ACER3: variants seen among roughly 807,000 people sequenced by gnomAD.
ACER3 encodes alkCDase 3.
In ACER3, 16 loss-of-function variants were observed where a neutral mutation model predicts 48.9. The ratio of observed to expected loss-of-function variants is 0.33; its 90% confidence interval spans 0.22 to 0.50. The LOEUF is 0.50. Ranked by LOEUF, ACER3 falls within the 20% of genes least tolerant of loss-of-function variation. The pLI is 0.98. For synonymous variants in ACER3, 109 were observed against 107.8 expected (o/e 1.01, Z -0.07); for missense variants, 227 against 326.0 (o/e 0.70, Z 2.34).
chr11:76,903,888 G>A (rs978203899), intron 1 of ACER3, among the ~76,000 whole-genome samples: 1 of 152,118 alleles, frequency 6.6e-6, no homozygotes, highest in Admixed American at 6.5e-5. Context: ...TCTGATAGGA[G>A]ACATTTACTA....
intron 3 of ACER3, among the ~76,000 whole-genome samples, chr11:76,961,798 A>G (rs1948001779): frequency 1.4e-5 from 2 of 144,270 alleles, no homozygotes; most frequent in African/African-American, 5.7e-5. Context: ...GTATTAAATG[A>G]AATAATACAT....
At chr11:76,972,777 T>G (rs1033550924) in intron 3 of ACER3, among the ~76,000 whole-genome samples, 1 of 151,636 alleles carries the variant, frequency 6.6e-6, no homozygotes, top group Non-Finnish European at 1.5e-5. Flanking sequence ...CGACACCTCC[T>G]CCATGTACCA....
chr11:76,901,379 G>T (rs1946078957), intron 1 of ACER3, among the ~76,000 whole-genome samples: 1 of 152,140 alleles, frequency 6.6e-6, no homozygotes, highest in African/African-American at 2.4e-5. Context: ...TTGTTTTCCA[G>T]GCCCTCTTGT....
At chr11:76,949,089 C>T (rs1420986482) in intron 2 of ACER3, among the ~76,000 whole-genome samples, 1 of 151,934 alleles carries the variant, frequency 6.6e-6, no homozygotes, top group African/African-American at 2.4e-5. Flanking sequence ...TGTATCGGAG[C>T]ATATTTGTGT....
At chr11:76,933,814 G>C (rs189480879) in intron 2 of ACER3, among the ~76,000 whole-genome samples, 247 of 152,324 alleles carry the variant, frequency 1.6e-3, no homozygotes, top group Middle Eastern at 0.014. Flanking sequence ...TCCCAGACGG[G>C]GTGGCTGCCG....
intron 2 of ACER3, among the ~76,000 whole-genome samples, chr11:76,958,235 G>A (rs1404701756): frequency 7.1e-6 from 1 of 140,716 alleles, no homozygotes; most frequent in Non-Finnish European, 1.5e-5. Flanking sequence ...TGCCCGGGCT[G>A]GAGTGCAGTG....
At chr11:76,872,118 G>A (rs899317001) in intron 1 of ACER3, among the ~76,000 whole-genome samples, 2 of 144,686 alleles carry the variant, frequency 1.4e-5, no homozygotes, top group Non-Finnish European at 1.5e-5. Flanking sequence ...GCTCTGTCGC[G>A]GAGGCTGGAG....
At chr11:76,950,315 A>C (rs1947610633) in intron 2 of ACER3, among the ~76,000 whole-genome samples, 1 of 138,690 alleles carries the variant, frequency 7.2e-6, no homozygotes, top group Non-Finnish European at 1.6e-5. Flanking sequence ...AGCAATGGAA[A>C]GCCAATGGAG....
intron 2 of ACER3, among the ~76,000 whole-genome samples, chr11:76,952,672 T>TTTTC (rs1947713851): frequency 6.8e-6 from 1 of 147,984 alleles, no homozygotes; most frequent in Admixed American, 6.7e-5. Context: ...AGATTTCTTT[T>TTTTC]TTTTTTTTTT....
intron 2 of ACER3, among the ~76,000 whole-genome samples, chr11:76,932,991 A>T (rs977268683): frequency 2.0e-5 from 3 of 152,022 alleles, no homozygotes; most frequent in African/African-American, 7.2e-5. Context: ...CAAAGGTGGC[A>T]GTTTTGGAAA....
chr11:76,876,283 T>TC (rs398115521), intron 1 of ACER3, among the ~76,000 whole-genome samples: 16 of 151,750 alleles, frequency 1.1e-4, no homozygotes, highest in Non-Finnish European at 2.4e-4. Context: ...TTTTTTTTTT[T>TC]CCCTACCATA....
chr11:76,994,796 C>G (rs1034038365), intron 6 of ACER3, among the ~76,000 whole-genome samples: 1 of 151,920 alleles, frequency 6.6e-6, no homozygotes, highest in African/African-American at 2.4e-5. Flanking sequence ...TATGGCTGGC[C>G]CTAGCTATAG....
At chr11:76,972,576 A>G (rs1489622788) in intron 3 of ACER3, among the ~76,000 whole-genome samples, 2 of 152,082 alleles carry the variant, frequency 1.3e-5, no homozygotes, top group African/African-American at 2.4e-5. Context: ...ATTAAATTAC[A>G]TTTATTTAAA....
intron 2 of ACER3, chr11:76,955,333 G>C (rs1047627475): frequency 3.3e-5 from 5 of 152,162 alleles, no homozygotes; most frequent in African/African-American, 1.2e-4. Context: ...AATACAATAT[G>C]TTCATAATAG....
chr11:76,947,688 C>T (rs999818798), intron 2 of ACER3, among the ~76,000 whole-genome samples: 3 of 152,124 alleles, frequency 2.0e-5, no homozygotes, highest in African/African-American at 7.2e-5. Context: ...TTAGTGACCT[C>T]TTATTTTTTA....
At chr11:76,926,714 C>A (rs376964766) in intron 2 of ACER3, 47 bp downstream of exon 2, 1 of 1,200,694 alleles carries the variant, frequency 8.3e-7, no homozygotes, top group Non-Finnish European at 1.2e-6. Flanking sequence ...TTCAAATGGG[C>A]CATTTTTCTC....
intron 1 of ACER3, among the ~76,000 whole-genome samples, chr11:76,899,593 C>T (rs754180590): frequency 6.6e-5 from 10 of 152,178 alleles, no homozygotes; most frequent in African/African-American, 1.9e-4. Context: ...GTTGCTAACA[C>T]GTCCAGACTA....
chr11:76,906,051 C>T (rs1374630371), intron 1 of ACER3, among the ~76,000 whole-genome samples: 1 of 152,212 alleles, frequency 6.6e-6, no homozygotes, highest in Non-Finnish European at 1.5e-5. Context: ...TTGCTTCTAG[C>T]CTCACAGGCT....
intron 2 of ACER3, among the ~76,000 whole-genome samples, chr11:76,950,258 C>T (rs1947607711): frequency 7.9e-6 from 1 of 126,710 alleles, no homozygotes; most frequent in Non-Finnish European, 1.8e-5. Flanking sequence ...GCCAGATCAC[C>T]CAGGGCCTTA....
Sources: allele counts gnomAD v4.1 joint callset (sites outside exome capture counted in the v4.1 genomes callset), GRCh38; gene constraint gnomAD v4.1.1; transcripts MANE v1.5; gene names NCBI Gene and HGNC (gene_info 2026-07-23, HGNC 2026-07-21).